ASIC2: variants seen among roughly 807,000 people sequenced by gnomAD.
ASIC2 encodes acid sensing ion channel subunit 2, also known as acid-sensing ion channel 2.
A neutral mutation model predicts 57.3 loss-of-function variants in ASIC2; 25 were observed. The ratio of observed to expected loss-of-function variants is 0.44; its 90% CI spans 0.32 to 0.61. ASIC2 has a LOEUF of 0.61. Ranked by LOEUF, ASIC2 falls within the 20% of genes least tolerant of loss-of-function variation. The pLI, the probability that ASIC2 is intolerant of heterozygous loss-of-function variation, is 0.06. For missense variants in ASIC2, 641 were observed against 738.1 expected (o/e 0.87, Z 1.52); for synonymous variants, 319 against 307.5 (o/e 1.04, Z -0.39).
At chr17:34,136,538 C>T (rs981890467) in intron 1 of ASIC2, among the ~76,000 whole-genome samples, 2 of 152,252 alleles carry the variant, frequency 1.3e-5, no homozygotes, top group African/African-American at 4.8e-5. Flanking sequence ...TTAATTCTTT[C>T]AATCAATTGC....
chr17:33,407,635 T>G (rs546331451), intron 1 of ASIC2, among the ~76,000 whole-genome samples: 1 of 152,180 alleles, frequency 6.6e-6, no homozygotes, highest in South Asian at 2.1e-4. Context: ...AAAAATTTAA[T>G]AAAATAAAGT....
intron 3 of ASIC2, among the ~76,000 whole-genome samples, chr17:33,040,467 G>T (rs901596097): frequency 6.6e-6 from 1 of 152,230 alleles, no homozygotes; most frequent in African/African-American, 2.4e-5. Flanking sequence ...CAGGGGTCTG[G>T]ACCAGATAGT....
chr17:33,196,669 C>A (rs1214274389), intron 1 of ASIC2, among the ~76,000 whole-genome samples: 2 of 152,232 alleles, frequency 1.3e-5, no homozygotes, highest in African/African-American at 4.8e-5. Flanking sequence ...GGCAGTGCCT[C>A]ATGTCAGGAA....
intron 1 of ASIC2, among the ~76,000 whole-genome samples, chr17:33,554,358 ATGTG>A (rs71144888): frequency 2.1e-4 from 31 of 150,224 alleles, no homozygotes; most frequent in East Asian, 7.9e-4. Context: ...CACTGCTTAT[ATGTG>A]TGTGTGTGTG....
intron 1 of ASIC2, among the ~76,000 whole-genome samples, chr17:33,354,037 A>G (rs375290216): frequency 7.9e-5 from 12 of 152,272 alleles, no homozygotes; most frequent in African/African-American, 1.7e-4. Context: ...CATGTCTTAC[A>G]TGGTGCGGGC....
intron 1 of ASIC2, among the ~76,000 whole-genome samples, chr17:33,206,030 T>C (rs550590441): frequency 6.6e-6 from 1 of 152,318 alleles, no homozygotes; most frequent in East Asian, 1.9e-4. Context: ...GGATGGGAGA[T>C]GAGTTTCCAG....
intron 1 of ASIC2, among the ~76,000 whole-genome samples, chr17:33,774,376 T>C (rs1911203512): frequency 6.6e-6 from 1 of 152,142 alleles, no homozygotes; most frequent in Non-Finnish European, 1.5e-5. Flanking sequence ...ATGTCTAGGC[T>C]CATTAGGAAA....
chr17:33,752,927 A>G (rs1433834637), intron 1 of ASIC2, among the ~76,000 whole-genome samples: 1 of 152,230 alleles, frequency 6.6e-6, no homozygotes, highest in Non-Finnish European at 1.5e-5. Flanking sequence ...TTACCATATA[A>G]TCCAGCAATC....
intron 1 of ASIC2, among the ~76,000 whole-genome samples, chr17:33,545,287 C>T (rs896359092): frequency 5.3e-5 from 8 of 152,206 alleles, no homozygotes; most frequent in African/African-American, 1.7e-4. Flanking sequence ...GTTTTGACAA[C>T]ATTCATGGCT....
chr17:33,754,784 A>G (rs1038752174), intron 1 of ASIC2, among the ~76,000 whole-genome samples: 4 of 151,764 alleles, frequency 2.6e-5, no homozygotes, highest in African/African-American at 9.7e-5. Flanking sequence ...GTGAAACCCC[A>G]TCTCTACTAA....
intron 1 of ASIC2, among the ~76,000 whole-genome samples, chr17:33,880,108 G>A (rs1292599837): frequency 1.3e-5 from 2 of 152,230 alleles, no homozygotes; most frequent in Non-Finnish European, 2.9e-5. Context: ...TTAAAGCAGT[G>A]TGTAGAGGGA....
intron 1 of ASIC2, among the ~76,000 whole-genome samples, chr17:33,993,966 C>G (rs1407800031): frequency 6.6e-6 from 1 of 152,148 alleles, no homozygotes; most frequent in Non-Finnish European, 1.5e-5. Flanking sequence ...TCTTTCCAAC[C>G]AGATTAGGGA....
At chr17:33,288,914 C>T (rs73285913) in intron 1 of ASIC2, among the ~76,000 whole-genome samples, 3,007 of 152,236 alleles carry the variant, frequency 0.02, 95 homozygotes, top group African/African-American at 0.069. Flanking sequence ...TGTTCTCAGC[C>T]ACTACACTTT....
At chr17:33,451,712 A>C (rs930995773) in intron 1 of ASIC2, among the ~76,000 whole-genome samples, 1 of 152,158 alleles carries the variant, frequency 6.6e-6, no homozygotes, top group Non-Finnish European at 1.5e-5. Context: ...CAATCATATC[A>C]GTCCTTGCTT....
At chr17:33,058,442 C>A (rs1293960326) in intron 3 of ASIC2, among the ~76,000 whole-genome samples, 7 of 143,424 alleles carry the variant, frequency 4.9e-5, no homozygotes, top group African/African-American at 1.8e-4. Context: ...CAATTTTCTA[C>A]CACTGTTTTT....
chr17:33,354,039 G>T (rs1007564985), intron 1 of ASIC2, among the ~76,000 whole-genome samples: 3 of 152,108 alleles, frequency 2.0e-5, no homozygotes, highest in Admixed American at 2.0e-4. Flanking sequence ...TGTCTTACAT[G>T]GTGCGGGCAA....
rs191439157 is a variant in ASIC2, at chr17:34,147,835, C to T, written c.555+8143G>A. Among the ~76,000 whole-genome samples the T allele has an allele frequency of 2.5e-3, 380 of 152,266 alleles. 2 individuals carry two copies. The highest frequency in any genetic ancestry group is 3.7e-3 in the Non-Finnish European group (249 of 68,012). ...TAGACTCAGGTGGTATCGTTTTAGT[C>T]TCATGGAGGGAATGGGGTGCGTGGC... On this transcript the variant is annotated intron_variant, in intron 1 of 9. Coordinates refer to the ASIC2 transcript ENST00000359872.
At chr17:33,924,730 A>G (rs773073398) in intron 1 of ASIC2, among the ~76,000 whole-genome samples, 10 of 152,046 alleles carry the variant, frequency 6.6e-5, no homozygotes, top group Non-Finnish European at 1.5e-4. Flanking sequence ...GGTTGGCCAT[A>G]TGTGCTTGGA....
At chr17:33,373,964 C>T (rs1346362869) in intron 1 of ASIC2, among the ~76,000 whole-genome samples, 3 of 152,032 alleles carry the variant, frequency 2.0e-5, no homozygotes, top group Non-Finnish European at 4.4e-5. Flanking sequence ...AGGCATGAAC[C>T]ACTGCGCCCT....
Sources: gnomAD v4.1 joint callset for allele counts (sites outside exome capture counted in the v4.1 genomes callset) on GRCh38, gnomAD v4.1.1 for gene constraint, MANE v1.5 for transcripts, NCBI Gene and HGNC (gene_info 2026-07-23, HGNC 2026-07-21) for gene names.